The following PPP2R2B variants were observed in gnomAD, a reference collection of about 807,000 sequenced individuals.
PPP2R2B encodes serine/threonine-protein phosphatase 2A 55 kDa regulatory subunit B beta isoform.
A neutral mutation model predicts 46.0 loss-of-function variants in PPP2R2B; 5 were observed. That is an observed-to-expected ratio of 0.11 (90% CI 0.06 to 0.23). PPP2R2B has a LOEUF of 0.23. Ranked by LOEUF, PPP2R2B falls within the 10% of genes least tolerant of loss-of-function variation. The probability of loss-of-function intolerance (pLI) is 1.00; values close to 1 mark genes in which losing one functional copy is unlikely to be tolerated. For synonymous variants in PPP2R2B, 215 were observed against 206.7 expected, an observed-to-expected ratio of 1.04 and a Z score of -0.34; for missense variants, 367 against 575.0, an observed-to-expected ratio of 0.64 and a Z score of 3.70.
At chr5:146,847,308 T>C (rs1251067277) in intron 2 of PPP2R2B, among the ~76,000 whole-genome samples, 1 of 152,190 alleles carries the variant, frequency 6.6e-6, no homozygotes, top group African/African-American at 2.4e-5. Flanking sequence ...ATAGACTTAC[T>C]TCCTCCTCTT....
At chr5:146,960,279 G>A (rs149858152) in intron 1 of PPP2R2B, among the ~76,000 whole-genome samples, 13 of 152,168 alleles carry the variant, frequency 8.5e-5, no homozygotes, top group East Asian at 3.9e-4. Flanking sequence ...GGTTACATGT[G>A]TAAAGAAAAG....
intron 2 of PPP2R2B, among the ~76,000 whole-genome samples, chr5:146,796,656 A>C (rs895811890): frequency 6.6e-6 from 1 of 152,198 alleles, no homozygotes; most frequent in Non-Finnish European, 1.5e-5. Context: ...GAATGAACAA[A>C]TGTACAATTT....
intron 1 of PPP2R2B, among the ~76,000 whole-genome samples, chr5:147,004,603 T>C (rs1401292829): frequency 1.3e-5 from 2 of 152,158 alleles, no homozygotes; most frequent in Admixed American, 6.5e-5. Context: ...TGCCTGAAAG[T>C]CCCATACCCT....
chr5:146,941,282 T>C (rs1259153713), intron 1 of PPP2R2B, among the ~76,000 whole-genome samples: 1 of 152,328 alleles, frequency 6.6e-6, no homozygotes, highest in South Asian at 2.1e-4. Flanking sequence ...GTGGTTGACC[T>C]TCGATACTGA....
At chr5:147,043,586 C>A (rs1035919817) in intron 1 of PPP2R2B, among the ~76,000 whole-genome samples, 7 of 152,120 alleles carry the variant, frequency 4.6e-5, no homozygotes, top group African/African-American at 1.7e-4. Flanking sequence ...GCAGCCTTAG[C>A]AAACTAATAC....
At chr5:146,733,654 C>A (rs1261779615) in intron 2 of PPP2R2B, among the ~76,000 whole-genome samples, 1 of 152,028 alleles carries the variant, frequency 6.6e-6, no homozygotes, top group Non-Finnish European at 1.5e-5. Context: ...AATTGGCAAC[C>A]AGTTTGAGAA....
intron 7 of PPP2R2B, among the ~76,000 whole-genome samples, chr5:146,605,230 T>C (rs1447960921): frequency 6.6e-6 from 1 of 152,244 alleles, no homozygotes. Context: ...TTCCAGCTTA[T>C]GTTCTTAACC....
At chr5:146,850,292 C>T (rs938718224) in intron 2 of PPP2R2B, among the ~76,000 whole-genome samples, 3 of 152,310 alleles carry the variant, frequency 2.0e-5, no homozygotes, top group African/African-American at 7.2e-5. Context: ...ATTCTAGACC[C>T]TTTCCAATCT....
intron 2 of PPP2R2B, among the ~76,000 whole-genome samples, chr5:146,797,003 T>G (rs1369752013): frequency 2.0e-5 from 3 of 152,184 alleles, no homozygotes; most frequent in Non-Finnish European, 4.4e-5. Flanking sequence ...AAGTAGTAAA[T>G]CAGCTAAACT....
chr5:147,027,646 A>AAAG (rs1487971319), intron 1 of PPP2R2B, among the ~76,000 whole-genome samples: 15 of 151,706 alleles, frequency 9.9e-5, no homozygotes, highest in Middle Eastern at 3.2e-3. Flanking sequence ...AAAAAAAAAA[A>AAAG]AAAAATTTAG....
chr5:146,862,378 G>A (rs1761056618), intron 2 of PPP2R2B, among the ~76,000 whole-genome samples: 1 of 152,218 alleles, frequency 6.6e-6, no homozygotes. Flanking sequence ...TGCCTTCTTG[G>A]AGTGTCTGTC....
chr5:146,973,313 T>C (rs569984773), intron 1 of PPP2R2B, among the ~76,000 whole-genome samples: 86 of 152,358 alleles, frequency 5.6e-4, no homozygotes, highest in African/African-American at 2.1e-3. Flanking sequence ...GTTCTTTCCA[T>C]AGAGACAGAT....
chr5:146,714,264 C>A (rs1393781896), intron 2 of PPP2R2B, among the ~76,000 whole-genome samples: 1 of 152,110 alleles, frequency 6.6e-6, no homozygotes, highest in African/African-American at 2.4e-5. Flanking sequence ...TACTGTGGAG[C>A]TCATTTTTAA....
intron 4 of PPP2R2B, among the ~76,000 whole-genome samples, chr5:146,695,327 AAAAC>A (rs1336345484): frequency 6.6e-6 from 1 of 152,122 alleles, no homozygotes; most frequent in African/African-American, 2.4e-5. Flanking sequence ...CATAGTGAGA[AAAAC>A]AAATTCAGTA....
exon 2 of PPP2R2B, chr5:147,081,118 TG>T: frequency 6.5e-7 from 1 of 1,535,700 alleles, no homozygotes; most frequent in Non-Finnish European, 8.7e-7. Flanking sequence ...TAGTGTGTCC[TG>T]GGTGAGTGTC....
chr5:146,952,507 T>A (rs1751662858), intron 1 of PPP2R2B, among the ~76,000 whole-genome samples: 2 of 152,126 alleles, frequency 1.3e-5, no homozygotes, highest in African/African-American at 2.4e-5. Flanking sequence ...GGTCGATTAA[T>A]TCCTGGAATA....
At chr5:146,606,514 C>CT (rs1322099441) in intron 7 of PPP2R2B, among the ~76,000 whole-genome samples, 1 of 152,180 alleles carries the variant, frequency 6.6e-6, no homozygotes, top group African/African-American at 2.4e-5. Context: ...TACCTATGTT[C>CT]TAGGGCGGTT....
intron 1 of PPP2R2B, among the ~76,000 whole-genome samples, chr5:147,015,222 T>C (rs1333557624): frequency 6.7e-6 from 1 of 149,074 alleles, no homozygotes; most frequent in African/African-American, 2.4e-5. Flanking sequence ...AGACCCTCCT[T>C]TCCCCAATTT....
intron 1 of PPP2R2B, among the ~76,000 whole-genome samples, chr5:146,986,188 G>T (rs570087129): frequency 6.6e-6 from 1 of 152,336 alleles, no homozygotes; most frequent in South Asian, 2.1e-4. Context: ...GTACAGCACA[G>T]TGCAGAGAAA....
Sources: gnomAD v4.1 joint callset for allele counts (sites outside exome capture counted in the v4.1 genomes callset) on GRCh38, gnomAD v4.1.1 for gene constraint, MANE v1.5 for transcripts, NCBI Gene and HGNC (gene_info 2026-07-23, HGNC 2026-07-21) for gene names.